The following GSE1 variants were observed in gnomAD, a reference collection of about 807,000 sequenced individuals.
The protein encoded by GSE1 is Gse1 coiled-coil protein, also known as genetic suppressor element 1.
In GSE1, 32 loss-of-function variants were observed where a neutral mutation model predicts 112.6. The ratio of observed to expected loss-of-function variants is 0.28; its 90% CI spans 0.21 to 0.38. The LOEUF is 0.38. Ranked by LOEUF, GSE1 falls within the 10% of genes least tolerant of loss-of-function variation. The pLI, the probability that GSE1 is intolerant of heterozygous loss-of-function variation, is 1.00. For missense variants in GSE1, 2,348 were observed against 1,699.2 expected (o/e 1.38, Z -6.71); for synonymous variants, 1,115 against 735.6 (o/e 1.52, Z -8.35).
chr16:85,662,174 CAG>C (rs553260689), intron 9 of GSE1: 192 of 169,234 alleles, frequency 1.1e-3, no homozygotes, highest in African/African-American at 3.9e-3. Flanking sequence ...GCAGGTGGGT[CAG>C]GGGTTGAGGA....
chr16:85,662,866 C>G, intron 9 of GSE1, 115 bp from the exon 10 acceptor site: 2 of 708,786 alleles, frequency 2.8e-6, no homozygotes, highest in East Asian at 5.2e-5. Context: ...TCAGGGTGTT[C>G]AGGTGCCAGC....
At chr16:85,449,392 G>A (rs1178303495) in intron 2 of GSE1, among the ~76,000 whole-genome samples, 1 of 152,230 alleles carries the variant, frequency 6.6e-6, no homozygotes, top group Non-Finnish European at 1.5e-5. Context: ...GATGGCAGCC[G>A]GCAGCTGGGC....
At chr16:85,559,318 G>A (rs372221257) in intron 1 of GSE1, among the ~76,000 whole-genome samples, 5 of 152,324 alleles carry the variant, frequency 3.3e-5, no homozygotes, top group South Asian at 4.1e-4. Context: ...TGGGAGTGGC[G>A]GAGCTGGGAC....
At chr16:85,293,994 C>T (rs1361390972) in intron 1 of GSE1, among the ~76,000 whole-genome samples, 10 of 152,216 alleles carry the variant, frequency 6.6e-5, no homozygotes, top group Admixed American at 6.5e-4. Flanking sequence ...TGATGCCTCC[C>T]CATGCTTCGA....
chr16:85,172,893 G>T (rs933523101), intron 1 of GSE1, among the ~76,000 whole-genome samples: 1 of 152,334 alleles, frequency 6.6e-6, no homozygotes, highest in Non-Finnish European at 1.5e-5. Flanking sequence ...CGGGAAGTGC[G>T]CTCTGCCATG....
intron 2 of GSE1, among the ~76,000 whole-genome samples, chr16:85,397,128 C>T (rs2047984197): frequency 6.6e-6 from 1 of 152,242 alleles, no homozygotes; most frequent in Non-Finnish European, 1.5e-5. Context: ...TGTCCCCCAT[C>T]TCCTCTGTGA....
In GSE1 at chr16:85,601,603, G is replaced by A. The variant is rs149912051; in HGVS notation, c.37+45240G>A. Among the ~76,000 whole-genome samples, 10 of 151,554 alleles carry A rather than the reference G, an allele frequency of 6.6e-5. No homozygotes were observed. The East Asian group carries it at 1.7e-3, about 26-fold the overall frequency. ...GCAGACACCCAGAAGGGCCACAGGC[G>A]GCTGACTAAAAATCTCCACACCAGG... On this transcript the variant is annotated intron_variant, in intron 1 of 2. Coordinates refer to the GSE1 transcript ENST00000635906.
intron 1 of GSE1, among the ~76,000 whole-genome samples, chr16:85,315,312 C>T (rs1238539670): frequency 2.0e-5 from 3 of 152,318 alleles, no homozygotes; most frequent in South Asian, 4.1e-4. Context: ...TCACTTGCCC[C>T]TCCTGCACGC....
At chr16:85,631,555 C>A (rs1055517704) in intron 1 of GSE1, among the ~76,000 whole-genome samples, 1 of 152,368 alleles carries the variant, frequency 6.6e-6, no homozygotes, top group South Asian at 2.1e-4. Context: ...GCTGAGACAC[C>A]TGCGTGGCCT....
chr16:85,462,364 C>T (rs75071056), intron 2 of GSE1, among the ~76,000 whole-genome samples: 2 of 152,008 alleles, frequency 1.3e-5, no homozygotes, highest in Non-Finnish European at 2.9e-5. Flanking sequence ...ACCCTCCCTA[C>T]CCTCAGCTTG....
intron 2 of GSE1, among the ~76,000 whole-genome samples, chr16:85,457,150 G>C (rs1229018211): frequency 6.6e-6 from 1 of 152,204 alleles, no homozygotes; most frequent in Non-Finnish European, 1.5e-5. Context: ...AGGGCAGCGG[G>C]GTCTGCCCTA....
intron 2 of GSE1, among the ~76,000 whole-genome samples, chr16:85,360,739 G>A (rs1422030345): frequency 6.6e-6 from 1 of 151,894 alleles, no homozygotes; most frequent in Non-Finnish European, 1.5e-5. Flanking sequence ...CGGAGACACA[G>A]CTCACAGACA....
intron 2 of GSE1, among the ~76,000 whole-genome samples, chr16:85,641,902 G>A (rs2050480758): frequency 6.6e-6 from 1 of 152,216 alleles, no homozygotes. Flanking sequence ...CCACATCCAT[G>A]TCGCCACAAG....
Position 85,613,518 on chromosome 16 carries a change from G to C in GSE1, c.7+120G>C, listed in dbSNP as rs983805967. On this transcript the variant is annotated intron_variant, in intron 1 of 15. Coordinates refer to ENST00000253458, the MANE Select transcript of GSE1 (RefSeq NM_014615.5). ...CCAACGGCTCCCGGGCAACTTCCCC[G>C]GAGTGTTAGCGGCGATAAGAGCCGG... 26 of 932,994 alleles carry C rather than the reference G, an allele frequency of 2.8e-5. 1 individual carries two copies. The highest frequency in any genetic ancestry group is 1.1e-4 in the African/African-American group (6 of 56,926). The allele number at this position is 932,994 out of a possible 1,614,324, so 57.8% of individuals were successfully genotyped here. A position where few individuals can be genotyped will look rare whatever the true frequency, so the allele number is the denominator to read the frequency against.
chr16:85,447,208 T>G (rs1042820409), intron 2 of GSE1, among the ~76,000 whole-genome samples: 1 of 151,898 alleles, frequency 6.6e-6, no homozygotes, highest in Non-Finnish European at 1.5e-5. Flanking sequence ...TAGTTAGGAG[T>G]GTGCAGCACC....
intron 1 of GSE1, among the ~76,000 whole-genome samples, chr16:85,349,427 G>A (rs927128374): frequency 6.6e-6 from 1 of 152,154 alleles, no homozygotes; most frequent in African/African-American, 2.4e-5. Context: ...CAGCGGGTCA[G>A]GACAGCGGGA....
At chr16:85,384,100 G>A (rs754627844) in intron 2 of GSE1, among the ~76,000 whole-genome samples, 11 of 152,078 alleles carry the variant, frequency 7.2e-5, no homozygotes, top group Non-Finnish European at 1.0e-4. Flanking sequence ...TCGACCCTCC[G>A]GCCTTGCTAT....
At chr16:85,566,449 A>T (rs2045750710) in intron 1 of GSE1, among the ~76,000 whole-genome samples, 2 of 152,216 alleles carry the variant, frequency 1.3e-5, no homozygotes, top group Admixed American at 6.5e-5. Context: ...GTCCCATGTA[A>T]GGAAAGCCGA....
At chr16:85,501,115 C>T (rs1026192890) in intron 2 of GSE1, among the ~76,000 whole-genome samples, 3 of 149,916 alleles carry the variant, frequency 2.0e-5, no homozygotes, top group Non-Finnish European at 4.4e-5. Flanking sequence ...ATTCTCCTGC[C>T]TCAGCCTCCC....
Sources: allele counts gnomAD v4.1 joint callset (sites outside exome capture counted in the v4.1 genomes callset), GRCh38; gene constraint gnomAD v4.1.1; transcripts MANE v1.5; gene names NCBI Gene and HGNC (gene_info 2026-07-23, HGNC 2026-07-21).